The following SLC35F1 variants were observed in gnomAD, a reference collection of about 807,000 sequenced individuals.
SLC35F1 encodes chromosome 6 open reading frame 169.
Under a neutral mutation model 48.7 loss-of-function variants are expected in SLC35F1, and 14 were observed. The observed-to-expected ratio is 0.29, with a 90% CI of 0.19 to 0.45. The LOEUF (loss-of-function observed/expected upper bound fraction) is 0.45, where lower values mean the gene tolerates loss of function less well. Ranked by LOEUF, SLC35F1 falls within the 20% of genes least tolerant of loss-of-function variation. The pLI is 1.00. For missense variants in SLC35F1, 404 were observed against 500.0 expected (o/e 0.81, Z 1.83); for synonymous variants, 190 against 202.2 (o/e 0.94, Z 0.51).
chr6:117,999,556 A>T (rs111904891), intron 1 of SLC35F1: 1 of 591,494 alleles, frequency 1.7e-6, no homozygotes, highest in Non-Finnish European at 2.8e-6. Context: ...TGTACAAATA[A>T]ACCTGAGGCA....
chr6:118,263,256 A>G (rs755439260), intron 3 of SLC35F1, among the ~76,000 whole-genome samples: 4 of 152,008 alleles, frequency 2.6e-5, no homozygotes, highest in Admixed American at 6.5e-5. Flanking sequence ...GGGTTTCTCC[A>G]TGTTGGCCAG....
intron 2 of SLC35F1, among the ~76,000 whole-genome samples, chr6:118,181,749 GA>G (rs1466809780): frequency 6.6e-6 from 1 of 151,752 alleles, no homozygotes; most frequent in Admixed American, 6.6e-5. Context: ...ATACAATAAG[GA>G]AAAAAATAAA....
At chr6:118,310,319 G>T (rs944981534) in intron 7 of SLC35F1, among the ~76,000 whole-genome samples, 4 of 152,148 alleles carry the variant, frequency 2.6e-5, no homozygotes, top group Non-Finnish European at 5.9e-5. Context: ...TCCTTGGGGA[G>T]ATAGAAATAA....
chr6:117,980,568 A>G (rs1776764051), intron 1 of SLC35F1, among the ~76,000 whole-genome samples: 1 of 152,166 alleles, frequency 6.6e-6, no homozygotes. Flanking sequence ...TTATCAGACA[A>G]TTATTAGTAC....
chr6:118,218,751 A>G (rs574241517), intron 2 of SLC35F1, among the ~76,000 whole-genome samples: 2 of 152,322 alleles, frequency 1.3e-5, no homozygotes, highest in African/African-American at 4.8e-5. Context: ...CCAAGGGTTC[A>G]TCTCACATCA....
chr6:118,048,195 C>A (rs572373369), intron 1 of SLC35F1, among the ~76,000 whole-genome samples: 6 of 152,078 alleles, frequency 3.9e-5, no homozygotes, highest in African/African-American at 1.4e-4. Context: ...TATTGATTTG[C>A]GTATGTTAAA....
chr6:118,267,752 T>C (rs1460671126), intron 4 of SLC35F1, among the ~76,000 whole-genome samples: 1 of 152,202 alleles, frequency 6.6e-6, no homozygotes, highest in South Asian at 2.1e-4. Context: ...GGAGGGGTTA[T>C]TGGTATCAAT....
chr6:118,267,743 G>A (rs1053756729), intron 4 of SLC35F1, among the ~76,000 whole-genome samples: 14 of 152,178 alleles, frequency 9.2e-5, no homozygotes, highest in African/African-American at 3.4e-4. Flanking sequence ...GCTTTGCGAG[G>A]AGGGGTTATT....
intron 1 of SLC35F1, among the ~76,000 whole-genome samples, chr6:118,016,858 C>G (rs2114880986): frequency 6.6e-6 from 1 of 152,324 alleles, no homozygotes; most frequent in African/African-American, 2.4e-5. Flanking sequence ...GGCTCCAAGC[C>G]ATCCTGTCTC....
At chr6:118,096,087 G>T (rs553032750) in intron 1 of SLC35F1, among the ~76,000 whole-genome samples, 1 of 152,320 alleles carries the variant, frequency 6.6e-6, no homozygotes, top group African/African-American at 2.4e-5. Context: ...ATCAATGAAA[G>T]ATTGGAATAC....
At chr6:118,111,446 A>G (rs1773398470) in intron 1 of SLC35F1, among the ~76,000 whole-genome samples, 1 of 152,214 alleles carries the variant, frequency 6.6e-6, no homozygotes, top group African/African-American at 2.4e-5. Flanking sequence ...GGAAGTATTT[A>G]AAAGTGTTGA....
intron 1 of SLC35F1, among the ~76,000 whole-genome samples, chr6:117,966,415 T>G (rs1776571922): frequency 6.6e-6 from 1 of 151,844 alleles, no homozygotes; most frequent in Non-Finnish European, 1.5e-5. Context: ...GCTTCACTCC[T>G]GAAGACCACC....
intron 1 of SLC35F1, among the ~76,000 whole-genome samples, chr6:117,949,177 C>G (rs568388932): frequency 6.6e-6 from 1 of 152,246 alleles, no homozygotes; most frequent in South Asian, 2.1e-4. Context: ...GTCTTATACT[C>G]TGGGATGTTC....
rs147314245 is a variant in SLC35F1, at chr6:118,316,311, T to C, written c.*2059T>C. On this transcript the variant is annotated 3_prime_UTR_variant, in exon 8 of 8. Transcript: ENST00000360388. ...CCTAGGAAACATGTTTTATTTTCCA[T>C]GGGGAAAATATCAGCGTTAAAGCTC... The C allele has an allele frequency of 0.011, 1,679 of 152,766 alleles. 17 individuals carry two copies. Among genetic ancestry groups the C allele is most frequent in the Non-Finnish European group, 0.016 (1,076 of 68,028 alleles). 9.5% of individuals were successfully genotyped at this position (152,766 alleles called of 1,614,324 possible).
chr6:117,923,619 GTATATA>G (rs72262523), intron 1 of SLC35F1, among the ~76,000 whole-genome samples: 3 of 18,040 alleles, frequency 1.7e-4, no homozygotes, highest in Non-Finnish European at 4.9e-4. Flanking sequence ...ATATACATAT[GTATATA>G]TACATATATG....
intron 2 of SLC35F1, among the ~76,000 whole-genome samples, chr6:118,196,169 A>G (rs1397149819): frequency 6.6e-6 from 1 of 151,076 alleles, no homozygotes; most frequent in African/African-American, 2.5e-5. Context: ...CCTTATTTGA[A>G]CACAGTTTGA....
intron 7 of SLC35F1, among the ~76,000 whole-genome samples, chr6:118,298,857 C>G (rs564478929): frequency 6.6e-6 from 1 of 152,168 alleles, no homozygotes; most frequent in Non-Finnish European, 1.5e-5. Flanking sequence ...AAGCACTGCT[C>G]TCCTCTGACT....
chr6:118,220,272 G>T (rs1010152432), intron 2 of SLC35F1, among the ~76,000 whole-genome samples: 1 of 152,134 alleles, frequency 6.6e-6, no homozygotes, highest in African/African-American at 2.4e-5. Context: ...AGGACTGTGT[G>T]AACTCAGAGG....
chr6:118,139,558 G>C (rs948145901), intron 1 of SLC35F1, among the ~76,000 whole-genome samples: 5 of 152,172 alleles, frequency 3.3e-5, no homozygotes, highest in African/African-American at 1.2e-4. Context: ...CTTTCCAGGA[G>C]ATGACTGACT....
Sources: allele counts gnomAD v4.1 joint callset (sites outside exome capture counted in the v4.1 genomes callset), GRCh38; gene constraint gnomAD v4.1.1; transcripts MANE v1.5; gene names NCBI Gene and HGNC (gene_info 2026-07-23, HGNC 2026-07-21).